Variants in PHF21A observed in about 807,000 individuals in gnomAD.
PHF21A encodes the protein PHD finger protein 21A.
Under a neutral mutation model 82.5 loss-of-function variants are expected in PHF21A, and 11 were observed. The observed-to-expected ratio is 0.13, with a 90% CI of 0.08 to 0.22. The LOEUF (loss-of-function observed/expected upper bound fraction) is 0.22, where lower values mean the gene tolerates loss of function less well. Ranked by LOEUF, PHF21A falls within the 10% of genes least tolerant of loss-of-function variation. PHF21A has a pLI of 1.00. For synonymous variants in PHF21A, 297 were observed against 302.8 expected, an observed-to-expected ratio of 0.98 and a Z score of 0.20; for missense variants, 579 against 837.8, an observed-to-expected ratio of 0.69 and a Z score of 3.81.
At chr11:45,948,490 C>T (rs116041698) in intron 14 of PHF21A, among the ~76,000 whole-genome samples, 54 of 152,296 alleles carry the variant, frequency 3.5e-4, no homozygotes, top group African/African-American at 1.3e-3. Context: ...CTGGCCTTGC[C>T]GGCAGCAGGA....
intron 4 of PHF21A, among the ~76,000 whole-genome samples, chr11:46,083,860 T>C (rs1015684897): frequency 6.6e-6 from 1 of 152,214 alleles, no homozygotes; most frequent in Non-Finnish European, 1.5e-5. Flanking sequence ...TTAAATCACA[T>C]GAATAAAGTC....
intron 6 of PHF21A, among the ~76,000 whole-genome samples, chr11:45,986,084 A>AACACACACACACACACACACACACAC (rs60179976): frequency 0.12 from 15,597 of 131,990 alleles, 1,302 homozygotes; most frequent in Non-Finnish European, 0.16. Context: ...CTTCCTTCAA[A>AACACACACACACACACACACACACAC]ACACACACAC....
Position 45,930,465 on chromosome 11 carries a change from T to A in PHF21A, c.*3503A>T, listed in dbSNP as rs1183581540. ...CCTATGTCAGGTACAACCAGCAGGC[T>A]TACCCCAAAGGGCCTGATAAGGAAG... On this transcript the variant is annotated 3_prime_UTR_variant, in exon 19 of 19. Transcript: ENST00000676320. 6.6e-6 allele frequency: 1 copy of A among 152,326 alleles called. No individual in the cohort carries two copies. The highest frequency in any genetic ancestry group is 2.4e-5 in the African/African-American group (1 of 41,436). 9.4% of individuals were successfully genotyped at this position (152,326 alleles called of 1,614,324 possible).
At chr11:45,990,824 C>A (rs1416779835) in intron 6 of PHF21A, among the ~76,000 whole-genome samples, 1 of 152,066 alleles carries the variant, frequency 6.6e-6, no homozygotes, top group Non-Finnish European at 1.5e-5. Flanking sequence ...CACATCTCCC[C>A]ACTATCAACA....
intron 6 of PHF21A, among the ~76,000 whole-genome samples, chr11:46,058,130 T>C (rs1009685846): frequency 1.4e-4 from 21 of 152,156 alleles, no homozygotes; most frequent in Non-Finnish European, 2.9e-5. Flanking sequence ...TAGAAAGTCA[T>C]AGCCTGAACA....
At chr11:45,935,113 GTACT>G (rs1374363116) in intron 18 of PHF21A, 2 of 1,289,072 alleles carry the variant, frequency 1.6e-6, no homozygotes, top group Non-Finnish European at 2.0e-6. Context: ...GGGCTGGGCA[GTACT>G]TACTTCCAAT....
chr11:46,073,760 TATATAAC>T (rs1400412789), intron 6 of PHF21A, among the ~76,000 whole-genome samples: 1 of 152,240 alleles, frequency 6.6e-6, no homozygotes, highest in African/African-American at 2.4e-5. Context: ...TCTTAATGGC[TATATAAC>T]ATATAATTTA....
chr11:46,082,363 C>T (rs1278556646), intron 4 of PHF21A, among the ~76,000 whole-genome samples: 1 of 152,182 alleles, frequency 6.6e-6, no homozygotes, highest in African/African-American at 2.4e-5. Context: ...AACACCCCTA[C>T]CTTGATGTCA....
intron 6 of PHF21A, among the ~76,000 whole-genome samples, chr11:46,051,639 A>G (rs1274471566): frequency 6.6e-6 from 1 of 152,202 alleles, no homozygotes; most frequent in Non-Finnish European, 1.5e-5. Flanking sequence ...AAGCATGCCA[A>G]TGTGCAATTC....
chr11:46,025,189 A>T (rs75441023), intron 6 of PHF21A, among the ~76,000 whole-genome samples: 5 of 111,134 alleles, frequency 4.5e-5, no homozygotes, highest in Non-Finnish European at 9.3e-5. Context: ...TATACAGATT[A>T]AAAAAAAAAA....
At chr11:45,954,053 A>G (rs1239993113) in intron 10 of PHF21A, among the ~76,000 whole-genome samples, 1 of 152,060 alleles carries the variant, frequency 6.6e-6, no homozygotes, top group African/African-American at 2.4e-5. Flanking sequence ...CTGGAGTGCA[A>G]TGGCATGATC....
At chr11:46,026,880 A>G (rs1374776055) in intron 6 of PHF21A, 1 of 152,162 alleles carries the variant, frequency 6.6e-6, no homozygotes, top group Non-Finnish European at 1.5e-5. Flanking sequence ...TGGCCCACCA[A>G]AGGTCTTCTC....
At chr11:45,967,825 C>T (rs563898057) in intron 9 of PHF21A, among the ~76,000 whole-genome samples, 2 of 152,342 alleles carry the variant, frequency 1.3e-5, no homozygotes, top group East Asian at 3.9e-4. Context: ...ATATATTTTA[C>T]TCTGTAATCA....
At chr11:46,057,738 G>A (rs1294693122) in intron 6 of PHF21A, among the ~76,000 whole-genome samples, 1 of 152,122 alleles carries the variant, frequency 6.6e-6, no homozygotes. Flanking sequence ...ATGAAACTGA[G>A]ATCGGGTCTC....
intron 11 of PHF21A, among the ~76,000 whole-genome samples, chr11:45,952,966 T>C (rs2092299916): frequency 6.6e-6 from 1 of 152,274 alleles, no homozygotes; most frequent in Non-Finnish European, 1.5e-5. Context: ...TTTATGTTTA[T>C]AATTCTATCC....
chr11:45,943,578 A>C (rs7108186), intron 15 of PHF21A, among the ~76,000 whole-genome samples: 75,940 of 152,068 alleles, frequency 0.5, 22,294 homozygotes, highest in Non-Finnish European at 0.66. Context: ...TGCATATTTT[A>C]GACACAGTGA....
At chr11:46,063,049 G>A (rs1053333683) in intron 6 of PHF21A, among the ~76,000 whole-genome samples, 4 of 152,202 alleles carry the variant, frequency 2.6e-5, no homozygotes, top group Admixed American at 1.3e-4. Context: ...CTCTTTCAAG[G>A]TGTATCATTT....
chr11:46,103,896 C>T (rs1289425242), intron 1 of PHF21A, among the ~76,000 whole-genome samples: 1 of 152,172 alleles, frequency 6.6e-6, no homozygotes, highest in Non-Finnish European at 1.5e-5. Flanking sequence ...ATTCGTAAGA[C>T]AGATACATAT....
intron 6 of PHF21A, among the ~76,000 whole-genome samples, chr11:46,067,132 C>T (rs2096603828): frequency 6.6e-6 from 1 of 152,138 alleles, no homozygotes; most frequent in Non-Finnish European, 1.5e-5. Context: ...GATTCAATCA[C>T]ATTTGTTTTC....
Sources: gnomAD v4.1 joint callset for allele counts (sites outside exome capture counted in the v4.1 genomes callset) on GRCh38, gnomAD v4.1.1 for gene constraint, MANE v1.5 for transcripts, NCBI Gene and HGNC (gene_info 2026-07-23, HGNC 2026-07-21) for gene names.